Variants in KIAA0319L observed in about 807,000 individuals in gnomAD.
KIAA0319L encodes dyslexia-associated protein KIAA0319-like protein.
Under a neutral mutation model 120.1 loss-of-function variants are expected in KIAA0319L, and 55 were observed. The observed-to-expected ratio is 0.46, with a 90% CI of 0.37 to 0.57. The LOEUF (loss-of-function observed/expected upper bound fraction) is 0.57, where lower values mean the gene tolerates loss of function less well. Among genes scored for constraint, KIAA0319L ranks in the 20% least tolerant of loss-of-function variants. The pLI is 0.00. For missense variants in KIAA0319L, 1,049 were observed against 1,255.3 expected (o/e 0.84, Z 2.48); for synonymous variants, 398 against 471.9 (o/e 0.84, Z 2.03).
intron 4 of KIAA0319L, among the ~76,000 whole-genome samples, chr1:35,477,524 G>A (rs1643944950): frequency 1.3e-5 from 2 of 152,042 alleles, no homozygotes; most frequent in African/African-American, 2.4e-5. Flanking sequence ...AAAATTAGCT[G>A]GGCGTGGTGG....
intron 3 of KIAA0319L, among the ~76,000 whole-genome samples, chr1:35,493,251 A>G (rs1055011191): frequency 6.6e-6 from 1 of 152,188 alleles, no homozygotes; most frequent in Non-Finnish European, 1.5e-5. Context: ...CCAGCAACAA[A>G]CAATCAGACA....
At chr1:35,497,445 G>C (rs1644852311) in intron 3 of KIAA0319L, among the ~76,000 whole-genome samples, 1 of 152,118 alleles carries the variant, frequency 6.6e-6, no homozygotes, top group South Asian at 2.1e-4. Context: ...ACTAAAAGCA[G>C]ATCAATTTTC....
chr1:35,443,074 G>A (rs201235642), intron 17 of KIAA0319L, 46 bp from the exon 18 acceptor site: 3 of 1,612,756 alleles, frequency 1.9e-6, no homozygotes, highest in African/African-American at 1.3e-5. Context: ...ACTCAGCCAG[G>A]GGTGACAAGC....
At chr1:35,450,542 C>A in intron 13 of KIAA0319L, 33 bp from the exon 14 acceptor site, 1 of 1,572,992 alleles carries the variant, frequency 6.4e-7, no homozygotes. Flanking sequence ...CATAATGTGA[C>A]ATTCTGGAAA....
intron 10 of KIAA0319L, among the ~76,000 whole-genome samples, chr1:35,454,894 AAAGCTGTCTCAGTG>A (rs1642332440): frequency 6.6e-6 from 1 of 152,230 alleles, no homozygotes; most frequent in Non-Finnish European, 1.5e-5. Context: ...TGCTCCTAAC[AAAGCTGTCTCAGTG>A]AAACATGGCA....
intron 16 of KIAA0319L, among the ~76,000 whole-genome samples, chr1:35,447,684 G>A (rs1641734062): frequency 6.7e-6 from 1 of 150,298 alleles, no homozygotes; most frequent in South Asian, 2.1e-4. Context: ...TAATTCTCCT[G>A]CCTCAGCTTC....
In KIAA0319L at chr1:35,541,390, C is replaced by T. The variant is rs59377078; in HGVS notation, c.142+12960G>A. 5.4e-3 allele frequency among the ~76,000 whole-genome samples: 757 copies of T among 139,452 alleles called. 6 individuals carry two copies. Among genetic ancestry groups the T allele is most frequent in the African/African-American group, 0.019 (710 of 37,326 alleles). 91.5% of individuals were successfully genotyped at this position (139,452 alleles called of 152,430 possible). ...TTTGAGATGGAATCTAACTCTGTCA[C>T]GCAGGCTGGAGTGCAATGGTGCAAT... On this transcript the variant is annotated intron_variant, in intron 2 of 20. Transcript: ENST00000325722.
Position 35,435,427 on chromosome 1 carries a change from G to A in KIAA0319L, c.2963-346C>T, listed in dbSNP as rs532512459. On this transcript the variant is annotated intron_variant, in intron 20 of 20. Coordinates refer to ENST00000325722, the MANE Select transcript of KIAA0319L (RefSeq NM_024874.5). ...ATTTTATCACCTCCCTCTATGGGTG[G>A]AATGACATGGTAGGCAGGAAAGCAC... The A allele has an allele frequency of 1.1e-4, 22 of 199,270 alleles. No homozygotes were observed. The Admixed American group carries it at 1.3e-3, about 11-fold the overall frequency. 12.3% of individuals were successfully genotyped at this position (199,270 alleles called of 1,614,324 possible).
At position 35,433,829 on chromosome 1, in the gene KIAA0319L, T is replaced by C; in HGVS notation, c.*1065A>G. Reference sequence around the variant, plus strand: ...GCGGGGCCATCGCACACATGCGCTCTCATGCCACAACATTCCAGTCCATCT... The same window carrying C: ...GCGGGGCCATCGCACACATGCGCTCCCATGCCACAACATTCCAGTCCATCT... On this transcript the variant is annotated 3_prime_UTR_variant, in exon 21 of 21. Transcript: ENST00000325722. 1 of 152,654 alleles carries C rather than the reference T, an allele frequency of 6.6e-6. No homozygotes were observed. Among genetic ancestry groups the C allele is most frequent in the Non-Finnish European group, 1.5e-5 (1 of 68,280 alleles). 9.5% of individuals were successfully genotyped at this position (152,654 alleles called of 1,614,324 possible). A position where few individuals can be genotyped will look rare whatever the true frequency, so the allele number is the denominator to read the frequency against.
intron 2 of KIAA0319L, among the ~76,000 whole-genome samples, chr1:35,536,526 G>T (rs954600371): frequency 2.0e-5 from 3 of 152,168 alleles, no homozygotes; most frequent in African/African-American, 7.2e-5. Flanking sequence ...CTTGTCCTGA[G>T]TAATGATGAA....
At chr1:35,513,267 CATATATAT>C (rs1189085625) in intron 2 of KIAA0319L, among the ~76,000 whole-genome samples, 5 of 107,462 alleles carry the variant, frequency 4.7e-5, no homozygotes, top group Non-Finnish European at 8.8e-5. Context: ...ATCTATATAA[CATATATAT>C]ATATATATAT....
At chr1:35,489,275 G>A (rs530419332) in intron 3 of KIAA0319L, among the ~76,000 whole-genome samples, 1 of 152,066 alleles carries the variant, frequency 6.6e-6, no homozygotes, top group East Asian at 1.9e-4. Context: ...GTAACAGCAA[G>A]AAGATTTATC....
At chr1:35,493,175 T>G (rs550575132) in intron 3 of KIAA0319L, among the ~76,000 whole-genome samples, 3 of 152,048 alleles carry the variant, frequency 2.0e-5, no homozygotes, top group Non-Finnish European at 4.4e-5. Context: ...ACAGAATGAA[T>G]AAATAAGTTT....
rs1642077480 is a variant in KIAA0319L, at chr1:35,451,726, A to G, written c.1964T>C (p.Val655Ala). 6.2e-7 allele frequency: 1 copy of G among 1,614,040 alleles called. No homozygotes were observed. Among genetic ancestry groups the G allele is most frequent in the South Asian group, 1.1e-5 (1 of 91,094 alleles). Reference protein sequence around the residue: ...LENANSSVATVTGLQVGTYVF... With the variant: ...LENANSSVATATGLQVGTYVF... ...ATAGGTCCCCACTTGCAGCCCAGTC[A>G]CAGTAGCAACACTGCTGTTAGCATT... The change falls in exon 13 of 21, where the codon GTG (valine) becomes GCG (alanine). Residue 655 changes from valine (V) to alanine (A), a missense_variant. Physicochemically the swap from Val to Ala is moderately conservative, Grantham distance 64. Transcript: ENST00000325722.
intron 1 of KIAA0319L, among the ~76,000 whole-genome samples, chr1:35,555,288 A>C (rs905207367): frequency 1.3e-5 from 2 of 152,234 alleles, no homozygotes; most frequent in South Asian, 2.1e-4. Context: ...CTGAAGAAGC[A>C]ATTCAAAAAC....
Position 35,454,493 on chromosome 1 carries a change from T to TA in KIAA0319L, c.1657-9dup, listed in dbSNP as rs1176916477. ...GGTTGGTGTTCTAACACCCTACAAA[T>TA]ACAAATACAGAAGTGGAAAAGTGGA... On this transcript the variant is annotated splice_polypyrimidine_tract_variant and intron_variant, in intron 10 of 20. Transcript: ENST00000325722. 1.2e-5 allele frequency: 19 copies of TA among 1,612,940 alleles called. No individual in the cohort carries two copies. Among genetic ancestry groups the TA allele is most frequent in the Non-Finnish European group, 1.6e-5 (19 of 1,179,142 alleles).
intron 2 of KIAA0319L, among the ~76,000 whole-genome samples, chr1:35,546,882 T>C (rs1647001174): frequency 1.3e-5 from 2 of 151,808 alleles, no homozygotes; most frequent in East Asian, 3.9e-4. Flanking sequence ...AAATGTAAAA[T>C]GGTGCAGCTG....
At chr1:35,516,929 C>T (rs776929098) in intron 2 of KIAA0319L, among the ~76,000 whole-genome samples, 2 of 151,930 alleles carry the variant, frequency 1.3e-5, no homozygotes, top group Non-Finnish European at 2.9e-5. Flanking sequence ...AGCCAAGAGC[C>T]AAATCAGGAA....
rs1206195517 is a variant in KIAA0319L, at chr1:35,434,287, C to T, written c.*607G>A. 2 of 152,020 alleles carry T rather than the reference C, an allele frequency of 1.3e-5. No individual in the cohort carries two copies. The highest frequency in any genetic ancestry group is 4.8e-5 in the African/African-American group (2 of 41,338). The allele number at this position is 152,020 out of a possible 1,614,324, so 9.4% of individuals were successfully genotyped here. ...TATTTTTAGTAGAGATGGGGTTTCA[C>T]CGTGTTAGCCAGGGTGGTCTTGATC... On this transcript the variant is annotated 3_prime_UTR_variant, in exon 21 of 21. Coordinates refer to ENST00000325722, the MANE Select transcript of KIAA0319L (RefSeq NM_024874.5).
Sources: allele counts gnomAD v4.1 joint callset (sites outside exome capture counted in the v4.1 genomes callset), GRCh38; gene constraint gnomAD v4.1.1; transcripts MANE v1.5; gene names NCBI Gene and HGNC (gene_info 2026-07-23, HGNC 2026-07-21).